The following RNF150 variants were observed in gnomAD, a reference collection of about 807,000 sequenced individuals.
RNF150 encodes the protein ring finger protein 150.
Under a neutral mutation model 39.3 loss-of-function variants are expected in RNF150, and 24 were observed. The ratio of observed to expected loss-of-function variants is 0.61; its 90% CI spans 0.44 to 0.86. The LOEUF is 0.86. Among genes scored for constraint, RNF150 ranks in the 40% least tolerant of loss-of-function variants. RNF150 has a pLI of 0.00. For missense variants in RNF150, 502 were observed against 587.8 expected, an observed-to-expected ratio of 0.85 and a Z score of 1.51; for synonymous variants, 255 against 227.3, an observed-to-expected ratio of 1.12 and a Z score of -1.10.
At chr4:141,033,796 C>A (rs749488423) in intron 1 of RNF150, among the ~76,000 whole-genome samples, 15 of 152,228 alleles carry the variant, frequency 9.9e-5, no homozygotes, top group Non-Finnish European at 2.2e-4. Flanking sequence ...TGAAAGAAGT[C>A]TTTTTTTCTG....
intron 1 of RNF150, among the ~76,000 whole-genome samples, chr4:141,197,607 G>A (rs1228641532): frequency 6.6e-5 from 10 of 152,026 alleles, no homozygotes; most frequent in South Asian, 2.1e-4. Flanking sequence ...GGCTGGGTGC[G>A]GTGGCTCACG....
intron 1 of RNF150, among the ~76,000 whole-genome samples, chr4:140,980,669 C>G (rs1383859750): frequency 6.6e-6 from 1 of 152,016 alleles, no homozygotes; most frequent in Non-Finnish European, 1.5e-5. Context: ...AAGGGGCTTC[C>G]CCCTTTGCTC....
rs575960096 is a variant in RNF150 at position 140,887,088 on chromosome 4, C to T, written c.1199-18709G>A. Among the ~76,000 whole-genome samples, 46 of 152,260 alleles carry T rather than the reference C, an allele frequency of 3.0e-4. No homozygotes were observed. In the South Asian group the frequency reaches 4.2e-3, roughly 14 times the overall value. On this transcript the variant is annotated intron_variant, in intron 6 of 6. Transcript: ENST00000515673. ...ATTTCCATTTTCCTGACTGGTGTAA[C>T]TCAATACAGGCAATGGTATTAGAAA...
intron 1 of RNF150, among the ~76,000 whole-genome samples, chr4:141,080,993 G>C (rs570588879): frequency 1.3e-5 from 2 of 152,276 alleles, no homozygotes; most frequent in South Asian, 2.1e-4. Context: ...CGGATCACAT[G>C]TCCAATGCGG....
intron 4 of RNF150, among the ~76,000 whole-genome samples, chr4:140,927,650 C>CTTTT (rs70946712): frequency 1.6e-5 from 2 of 126,920 alleles, no homozygotes; most frequent in Non-Finnish European, 3.4e-5. Flanking sequence ...TTTTTTGTTT[C>CTTTT]TTTTTTTTTT....
Position 141,089,700 on chromosome 4 carries a change from TA to T in RNF150, c.484+42624del, listed in dbSNP as rs199896370. 2.0e-5 allele frequency among the ~76,000 whole-genome samples: 3 copies of T among 152,186 alleles called. No individual in the cohort carries two copies. In the East Asian group the frequency reaches 5.8e-4, roughly 29 times the overall value. On this transcript the variant is annotated intron_variant, in intron 1 of 6. Transcript: ENST00000515673. ...AGAAGACCACTGGGAGTGCCCCTAT[TA>T]GAAGAAACAGTACAGGATACTCCCA... is the stretch of plus-strand genomic sequence containing the variant.
In RNF150 at chr4:141,027,912, G is replaced by GTTTTTTTTT. The variant is rs749317137; in HGVS notation, c.485-60048_485-60040dup. On this transcript the variant is annotated intron_variant, in intron 1 of 6. Transcript: ENST00000515673. ...TAGATAGTTAATGAGCTTGGAATTT[G>GTTTTTTTTT]TTTTTTTTTTTTTGTTTTTTTTTTT... 2.0e-3 allele frequency among the ~76,000 whole-genome samples: 54 copies of GTTTTTTTTT among 27,092 alleles called. 15 individuals carry two copies. The highest frequency in any genetic ancestry group is 3.4e-3 in the Non-Finnish European group (39 of 11,592). The allele number at this position is 27,092 out of a possible 152,430, so 17.8% of individuals were successfully genotyped here.
At chr4:140,930,589 C>T (rs1003685096) in intron 4 of RNF150, among the ~76,000 whole-genome samples, 1 of 152,224 alleles carries the variant, frequency 6.6e-6, no homozygotes, top group Non-Finnish European at 1.5e-5. Flanking sequence ...ATGGTCAAGT[C>T]TCATTCATGC....
At position 141,132,631 on chromosome 4, in the gene RNF150, C is replaced by A. The variant is rs1726928775; in HGVS notation, c.178G>T (p.Ala60Ser). 1 of 1,572,000 alleles carries A rather than the reference C, an allele frequency of 6.4e-7. No individual in the cohort carries two copies. Among genetic ancestry groups the A allele is most frequent in the African/African-American group, 1.4e-5 (1 of 72,180 alleles). Residue 60 changes from alanine (A) to serine (S), a missense_variant, in exon 1 of 7, where the codon GCG (alanine) becomes TCG (serine). Ala to Ser is a moderately conservative substitution (Grantham distance 99). Coordinates refer to ENST00000515673, the MANE Select transcript of RNF150 (RefSeq NM_020724.2). The surrounding 1 kb of genome is among the most constrained non-coding windows in gnomAD (Gnocchi z 4.9). ...TGCAGCTCCGCGCCGCCGCCGCCCG[C>A]CGCCCCGGCCCCGGGGTCCGGCGCG... The part of the protein sequence containing the change: ...EPAPDPGAGA[A>S]GGGGAELHTE...
At chr4:140,879,812 C>T (rs1453766639) in intron 6 of RNF150, among the ~76,000 whole-genome samples, 2 of 152,100 alleles carry the variant, frequency 1.3e-5, no homozygotes, top group African/African-American at 4.8e-5. Context: ...GAGCAAAATC[C>T]TGTCTCAAAA....
chr4:141,160,865 A>T (rs539590874), intron 1 of RNF150, among the ~76,000 whole-genome samples: 19 of 152,354 alleles, frequency 1.2e-4, no homozygotes, highest in African/African-American at 4.3e-4. Context: ...CAATCTGTGG[A>T]ACTGTAAGCC....
chr4:141,207,168 C>T (rs541088413), intron 1 of RNF150, among the ~76,000 whole-genome samples: 7 of 152,160 alleles, frequency 4.6e-5, no homozygotes, highest in Non-Finnish European at 8.8e-5. Context: ...CACCCAGAAA[C>T]AATACTTTAC....
At chr4:141,204,648 A>G (rs1728344614) in intron 1 of RNF150, among the ~76,000 whole-genome samples, 1 of 152,204 alleles carries the variant, frequency 6.6e-6, no homozygotes, top group African/African-American at 2.4e-5. Context: ...TGGAAGCAGC[A>G]TTTGGGACTC....
chr4:141,041,209 C>T (rs949435548), intron 1 of RNF150, among the ~76,000 whole-genome samples: 3 of 152,126 alleles, frequency 2.0e-5, no homozygotes, highest in African/African-American at 7.2e-5. Context: ...ATCATTATAA[C>T]CTACTGTGTT....
chr4:141,118,387 A>C (rs1012688935), intron 1 of RNF150, among the ~76,000 whole-genome samples: 4 of 152,056 alleles, frequency 2.6e-5, no homozygotes, highest in African/African-American at 9.7e-5. Flanking sequence ...CAAACACTGT[A>C]CCCTCCTGGA....
chr4:140,917,739 T>A (rs1383264421), intron 5 of RNF150, among the ~76,000 whole-genome samples: 1 of 151,522 alleles, frequency 6.6e-6, no homozygotes, highest in South Asian at 2.1e-4. Context: ...GAATATACAT[T>A]TTTTTTCAGC....
At chr4:141,177,516 A>G (rs1042147916) in intron 1 of RNF150, among the ~76,000 whole-genome samples, 1 of 151,792 alleles carries the variant, frequency 6.6e-6, no homozygotes, top group Non-Finnish European at 1.5e-5. Flanking sequence ...GTAGCCTGCA[A>G]TGTACATTAA....
chr4:141,022,819 C>CA (rs1283878305), intron 1 of RNF150, among the ~76,000 whole-genome samples: 2 of 152,118 alleles, frequency 1.3e-5, no homozygotes, highest in African/African-American at 4.8e-5. Context: ...CAAAGTGTCA[C>CA]AAAAAATTTT....
At chr4:140,912,658 C>T (rs1381737957) in intron 5 of RNF150, among the ~76,000 whole-genome samples, 1 of 152,198 alleles carries the variant, frequency 6.6e-6, no homozygotes, top group Non-Finnish European at 1.5e-5. Flanking sequence ...TGTGTCCTAA[C>T]AGTCAGCTGA....
Sources: gnomAD v4.1 joint callset for allele counts (sites outside exome capture counted in the v4.1 genomes callset) on GRCh38, gnomAD v4.1.1 for gene constraint, Gnocchi (gnomAD v3.1) non-coding constraint, MANE v1.5 for transcripts, NCBI Gene and HGNC (gene_info 2026-07-23, HGNC 2026-07-21) for gene names.